Variants in RSPO3 observed in about 807,000 individuals in gnomAD.
The protein encoded by RSPO3 is R-spondin 3, also known as R-spondin-3.
RSPO3 carries 17 observed loss-of-function variants against 36.5 expected under a neutral mutation model. The ratio of observed to expected loss-of-function variants is 0.47; its 90% CI spans 0.32 to 0.70. The LOEUF is 0.70. Ranked by LOEUF, RSPO3 falls within the 30% of genes least tolerant of loss-of-function variation. The probability of loss-of-function intolerance (pLI) is 0.04; values close to 1 mark genes in which losing one functional copy is unlikely to be tolerated. For missense variants in RSPO3, 294 were observed against 322.5 expected (o/e 0.91, Z 0.68); for synonymous variants, 108 against 107.0 (o/e 1.01, Z -0.06).
intron 4 of RSPO3, among the ~76,000 whole-genome samples, chr6:127,168,773 G>C (rs1774876279): frequency 6.6e-6 from 1 of 152,006 alleles, no homozygotes; most frequent in African/African-American, 2.4e-5. Context: ...ATTAATTTTT[G>C]TATAAGGTGT....
At chr6:127,190,741 A>C (rs1775393320) in intron 4 of RSPO3, among the ~76,000 whole-genome samples, 1 of 152,238 alleles carries the variant, frequency 6.6e-6, no homozygotes, top group Non-Finnish European at 1.5e-5. Flanking sequence ...TGTCTTGGGA[A>C]GTGAACTACT....
At position 127,189,813 on chromosome 6, in the gene RSPO3, T is replaced by C. The variant is rs191528489; in HGVS notation, c.635-6010T>C. 4.6e-5 allele frequency among the ~76,000 whole-genome samples: 7 copies of C among 152,306 alleles called. No homozygotes were observed. The East Asian group carries it at 1.2e-3, about 25-fold the overall frequency. Reference sequence around the variant, plus strand: ...AATAGAAAAGGCAATAGAATTCGTGTGTAACCTACCGCATAGGTAAATCAG... The same window carrying C: ...AATAGAAAAGGCAATAGAATTCGTGCGTAACCTACCGCATAGGTAAATCAG... On this transcript the variant is annotated intron_variant, in intron 4 of 4. Coordinates refer to ENST00000356698, the MANE Select transcript of RSPO3 (RefSeq NM_032784.5).
chr6:127,178,348 A>C (rs1343316997), intron 4 of RSPO3, among the ~76,000 whole-genome samples: 1 of 151,754 alleles, frequency 6.6e-6, no homozygotes, highest in Non-Finnish European at 1.5e-5. Context: ...AATTATAAAA[A>C]TAGAAGTCAG....
At chr6:127,180,933 G>A (rs1775172637) in intron 4 of RSPO3, among the ~76,000 whole-genome samples, 1 of 151,832 alleles carries the variant, frequency 6.6e-6, no homozygotes, top group Non-Finnish European at 1.5e-5. Flanking sequence ...ACAAAGCACA[G>A]AAAGTGCTTT....
chr6:127,181,520 T>C (rs548618777), intron 4 of RSPO3, among the ~76,000 whole-genome samples: 1 of 151,900 alleles, frequency 6.6e-6, no homozygotes, highest in Non-Finnish European at 1.5e-5. Flanking sequence ...CCCAGACCCA[T>C]TCATACTCAG....
intron 1 of RSPO3, among the ~76,000 whole-genome samples, chr6:127,139,966 G>A (rs545195003): frequency 1.3e-5 from 2 of 152,028 alleles, no homozygotes; most frequent in African/African-American, 4.8e-5. Flanking sequence ...TTTATTTTTG[G>A]TTCTGTGAGT....
chr6:127,163,832 G>A (rs1188286269), intron 4 of RSPO3, among the ~76,000 whole-genome samples: 1 of 152,102 alleles, frequency 6.6e-6, no homozygotes, highest in East Asian at 1.9e-4. Context: ...GAAAATGACA[G>A]ATCTCAAATT....
chr6:127,121,592 G>T (rs140966062), intron 1 of RSPO3, among the ~76,000 whole-genome samples: 205 of 152,256 alleles, frequency 1.3e-3, no homozygotes, highest in African/African-American at 4.2e-3. Context: ...TTGCGTCCTC[G>T]GAGGAGACAG....
At chr6:127,132,953 CT>C (rs1774087053) in intron 1 of RSPO3, among the ~76,000 whole-genome samples, 1 of 152,040 alleles carries the variant, frequency 6.6e-6, no homozygotes, top group Non-Finnish European at 1.5e-5. Flanking sequence ...TCCTCTTTCC[CT>C]TGATGATTTA....
intron 4 of RSPO3, among the ~76,000 whole-genome samples, chr6:127,156,849 A>G (rs537796652): frequency 3.9e-5 from 6 of 152,166 alleles, no homozygotes; most frequent in Non-Finnish European, 8.8e-5. Context: ...AAACTTGAAC[A>G]TTGCTTATAC....
At chr6:127,190,086 A>G (rs1346894177) in intron 4 of RSPO3, among the ~76,000 whole-genome samples, 2 of 152,196 alleles carry the variant, frequency 1.3e-5, no homozygotes, top group East Asian at 3.8e-4. Context: ...AAGTCATACT[A>G]TAGCAATTCC....
intron 1 of RSPO3, among the ~76,000 whole-genome samples, chr6:127,147,341 A>G (rs917141742): frequency 1.3e-5 from 2 of 152,146 alleles, no homozygotes; most frequent in African/African-American, 4.8e-5. Flanking sequence ...GTAAAGACAG[A>G]TTTAATAATG....
At chr6:127,156,668 T>C (rs897497809) in intron 4 of RSPO3, among the ~76,000 whole-genome samples, 18 of 152,170 alleles carry the variant, frequency 1.2e-4, no homozygotes, top group Admixed American at 1.0e-3. Context: ...CTATGCACTG[T>C]ACTAGGGCCT....
chr6:127,146,479 A>G lies in RSPO3; in HGVS notation c.98-2169A>G, dbSNP rs551185669. On this transcript the variant is annotated intron_variant, in intron 1 of 4. Coordinates refer to ENST00000356698, the MANE Select transcript of RSPO3 (RefSeq NM_032784.5). ...CTCTCTCCTGAAGAACATTCCAAACATTCAAAACCTAGTTTTTAAAATAAA... is the reference window on the plus strand; with the variant it reads ...CTCTCTCCTGAAGAACATTCCAAACGTTCAAAACCTAGTTTTTAAAATAAA... Among the ~76,000 whole-genome samples the G allele has an allele frequency of 1.6e-4, 25 of 152,260 alleles. 1 individual carries two copies. The highest frequency in any genetic ancestry group is 6.0e-4 in the African/African-American group (25 of 41,584).
At chr6:127,164,624 A>G (rs1774778550) in intron 4 of RSPO3, among the ~76,000 whole-genome samples, 1 of 152,060 alleles carries the variant, frequency 6.6e-6, no homozygotes, top group African/African-American at 2.4e-5. Context: ...TGAATTGTGC[A>G]GGCTTAAGTA....
chr6:127,172,107 T>C (rs942014436), intron 4 of RSPO3, among the ~76,000 whole-genome samples: 1 of 138,706 alleles, frequency 7.2e-6, no homozygotes, highest in Admixed American at 7.5e-5. Context: ...ATTCATCATA[T>C]TACATATTGT....
chr6:127,163,395 C>T (rs779808164), intron 4 of RSPO3, among the ~76,000 whole-genome samples: 2 of 152,096 alleles, frequency 1.3e-5, no homozygotes, highest in Non-Finnish European at 2.9e-5. Flanking sequence ...GCAGCTTCTT[C>T]ATAGAAGCAT....
chr6:127,142,098 A>C (rs1171931320), intron 1 of RSPO3, among the ~76,000 whole-genome samples: 1 of 152,184 alleles, frequency 6.6e-6, no homozygotes, highest in African/African-American at 2.4e-5. Context: ...TCTTTCAATA[A>C]GTTATCAATA....
At chr6:127,154,965 G>T (rs1774563475) in intron 3 of RSPO3, among the ~76,000 whole-genome samples, 1 of 152,116 alleles carries the variant, frequency 6.6e-6, no homozygotes, top group Non-Finnish European at 1.5e-5. Context: ...CAATTTTAGT[G>T]ATTATATTAA....
Sources: allele counts gnomAD v4.1 joint callset (sites outside exome capture counted in the v4.1 genomes callset), GRCh38; gene constraint gnomAD v4.1.1; transcripts MANE v1.5; gene names NCBI Gene and HGNC (gene_info 2026-07-23, HGNC 2026-07-21).